SLIT3: variants seen among roughly 807,000 people sequenced by gnomAD.
SLIT3 encodes slit guidance ligand 3, also known as slit homolog 3 protein.
A neutral mutation model predicts 184.0 loss-of-function variants in SLIT3; 68 were observed. The ratio of observed to expected loss-of-function variants is 0.37; its 90% CI spans 0.30 to 0.45. SLIT3 has a LOEUF of 0.45. Among genes scored for constraint, SLIT3 ranks in the 20% least tolerant of loss-of-function variants. The pLI is 1.00. For missense variants in SLIT3, 1,707 were observed against 2,026.0 expected, an observed-to-expected ratio of 0.84 and a Z score of 3.02; for synonymous variants, 831 against 828.6, an observed-to-expected ratio of 1.00 and a Z score of -0.05.
chr5:168,711,960 GTTA>G (rs1338442121), intron 24 of SLIT3, among the ~76,000 whole-genome samples: 1 of 152,140 alleles, frequency 6.6e-6, no homozygotes, highest in Non-Finnish European at 1.5e-5. Flanking sequence ...TAGACACAAT[GTTA>G]TTATATATAA....
intron 3 of SLIT3, among the ~76,000 whole-genome samples, chr5:169,224,101 C>A (rs2113536758): frequency 6.6e-6 from 1 of 152,276 alleles, no homozygotes; most frequent in South Asian, 2.1e-4. Context: ...ATCTTGCCTC[C>A]ACTTCTCACA....
At chr5:169,204,003 G>A (rs560675519) in intron 3 of SLIT3, among the ~76,000 whole-genome samples, 1 of 152,122 alleles carries the variant, frequency 6.6e-6, no homozygotes, top group Admixed American at 6.6e-5. Context: ...AGAGATGTAG[G>A]TGGTAATTTA....
intron 4 of SLIT3, among the ~76,000 whole-genome samples, chr5:169,168,339 A>C (rs1260511072): frequency 6.6e-6 from 1 of 152,190 alleles, no homozygotes; most frequent in Non-Finnish European, 1.5e-5. Context: ...ATATTCTACA[A>C]TCTTGTCTTC....
At chr5:169,142,096 T>TAAAG (rs1048541573) in intron 4 of SLIT3, among the ~76,000 whole-genome samples, 1 of 148,060 alleles carries the variant, frequency 6.8e-6, no homozygotes, top group African/African-American at 2.5e-5. Flanking sequence ...AATAAATAAA[T>TAAAG]AAATAAATAA....
chr5:169,064,430 A>G (rs952156262), intron 4 of SLIT3, among the ~76,000 whole-genome samples: 1 of 152,186 alleles, frequency 6.6e-6, no homozygotes, highest in Non-Finnish European at 1.5e-5. Flanking sequence ...ATTTTTAGAT[A>G]TGATCTTATT....
intron 1 of SLIT3, among the ~76,000 whole-genome samples, chr5:169,259,069 T>C (rs1018991093): frequency 1.3e-5 from 2 of 152,130 alleles, no homozygotes; most frequent in East Asian, 3.9e-4. Context: ...TGAGGCTCAA[T>C]TGAGAAAGTA....
At chr5:169,276,739 A>G (rs1766820004) in intron 1 of SLIT3, among the ~76,000 whole-genome samples, 1 of 152,246 alleles carries the variant, frequency 6.6e-6, no homozygotes, top group Admixed American at 6.5e-5. Flanking sequence ...TTATGTTCCC[A>G]GTAAGGCTTG....
At chr5:169,169,046 GA>G (rs1219273401) in intron 4 of SLIT3, among the ~76,000 whole-genome samples, 1 of 150,376 alleles carries the variant, frequency 6.6e-6, no homozygotes, top group Non-Finnish European at 1.5e-5. Flanking sequence ...GTGGGGGGGG[GA>G]TCACCTTTTT....
At chr5:168,733,123 C>T (rs73324010) in intron 20 of SLIT3, among the ~76,000 whole-genome samples, 1,852 of 151,640 alleles carry the variant, frequency 0.012, 38 homozygotes, top group African/African-American at 0.041. Flanking sequence ...CATTAAAAAG[C>T]GGGCAAAGGA....
chr5:169,006,630 C>CAA (rs34669206), intron 4 of SLIT3, among the ~76,000 whole-genome samples: 5 of 150,276 alleles, frequency 3.3e-5, no homozygotes, highest in East Asian at 2.0e-4. Context: ...CACACACACA[C>CAA]AACTCTCCAA....
At chr5:169,144,674 C>T (rs1434577234) in intron 4 of SLIT3, among the ~76,000 whole-genome samples, 1 of 152,234 alleles carries the variant, frequency 6.6e-6, no homozygotes, top group Admixed American at 6.5e-5. Context: ...ATGTCCACCA[C>T]CCAAGGCCCT....
rs77174386 is a variant in SLIT3, at chr5:168,813,440, G to A, written c.793+3860C>T. ...CACAAGCAACCAGACACTTCCAGCC[G>A]TAGGGCCTTAACCTTCCTCTTGAAA... On this transcript the variant is annotated intron_variant, in intron 8 of 35. Transcript: ENST00000519560. Among the ~76,000 whole-genome samples, 495 of 152,168 alleles carry A rather than the reference G, an allele frequency of 3.3e-3. 12 individuals carry two copies. The East Asian group carries it at 0.059, about 18-fold the overall frequency.
intron 28 of SLIT3, among the ~76,000 whole-genome samples, chr5:168,695,336 G>A (rs1762025155): frequency 6.6e-6 from 1 of 152,202 alleles, no homozygotes; most frequent in Admixed American, 6.5e-5. Context: ...TCGAGGATGG[G>A]GAAAGGGGAA....
chr5:169,054,216 TAAA>T (rs35649544), intron 4 of SLIT3, among the ~76,000 whole-genome samples: 6 of 69,778 alleles, frequency 8.6e-5, no homozygotes, highest in Non-Finnish European at 9.0e-5. Flanking sequence ...AGAGAGACAC[TAAA>T]AAAAAAAAAA....
rs1760893571 is a variant in SLIT3 at position 168,662,450 on chromosome 5, T to TC, written c.*4003dup. Reference sequence around the variant, plus strand: ...CCTGAAGGTCACCCTGGGGCTCTTTTCCCCCACCTTTTTTTTCCCTCTGAG... The same window carrying TC: ...CCTGAAGGTCACCCTGGGGCTCTTTTCCCCCCACCTTTTTTTTCCCTCTGAG... On this transcript the variant is annotated 3_prime_UTR_variant, in exon 36 of 36. Transcript: ENST00000519560. 1 of 152,220 alleles carries TC rather than the reference T, an allele frequency of 6.6e-6. No individual in the cohort carries two copies. Among genetic ancestry groups the TC allele is most frequent in the African/African-American group, 2.4e-5 (1 of 41,446 alleles). The allele number at this position is 152,220 out of a possible 1,614,324, so 9.4% of individuals were successfully genotyped here. A position where few individuals can be genotyped will look rare whatever the true frequency, so the allele number is the denominator to read the frequency against.
At chr5:169,014,247 G>C (rs924437468) in intron 4 of SLIT3, among the ~76,000 whole-genome samples, 1 of 152,150 alleles carries the variant, frequency 6.6e-6, no homozygotes, top group Non-Finnish European at 1.5e-5. Flanking sequence ...TTATCTGGTA[G>C]TATCACCTGC....
At chr5:168,930,966 A>G (rs993239211) in intron 4 of SLIT3, among the ~76,000 whole-genome samples, 1 of 152,180 alleles carries the variant, frequency 6.6e-6, no homozygotes, top group Admixed American at 6.5e-5. Flanking sequence ...ATCCACAGAG[A>G]GCCTGCAAAG....
At chr5:168,980,575 A>G (rs1371931955) in intron 4 of SLIT3, among the ~76,000 whole-genome samples, 1 of 152,184 alleles carries the variant, frequency 6.6e-6, no homozygotes, top group Non-Finnish European at 1.5e-5. Flanking sequence ...TCCACCTCCC[A>G]CATGATATTT....
intron 4 of SLIT3, among the ~76,000 whole-genome samples, chr5:169,029,411 G>A (rs1190105112): frequency 6.6e-6 from 1 of 152,192 alleles, no homozygotes; most frequent in Non-Finnish European, 1.5e-5. Flanking sequence ...GCAAATTTTG[G>A]GTCCTCTCCT....
Sources: allele counts gnomAD v4.1 joint callset (sites outside exome capture counted in the v4.1 genomes callset), GRCh38; gene constraint gnomAD v4.1.1; transcripts MANE v1.5; gene names NCBI Gene and HGNC (gene_info 2026-07-23, HGNC 2026-07-21).